Variants in NMT2 observed in about 807,000 individuals in gnomAD.
NMT2 encodes N-myristoyltransferase 2.
In NMT2, 35 loss-of-function variants were observed where a neutral mutation model predicts 65.4. That is an observed-to-expected ratio of 0.54 (90% CI 0.41 to 0.71). NMT2 has a LOEUF of 0.71. NMT2 is among the 30% of genes least tolerant of loss of function. NMT2 has a pLI of 0.00. For synonymous variants in NMT2, 226 were observed against 231.8 expected (o/e 0.98, Z 0.23); for missense variants, 489 against 611.3 (o/e 0.80, Z 2.11).
chr10:15,127,560 A>AAAAAAAT (rs1846125200), intron 8 of NMT2, among the ~76,000 whole-genome samples: 1 of 95,164 alleles, frequency 1.1e-5, no homozygotes, highest in African/African-American at 9.8e-5. Context: ...AAAAAAAAAA[A>AAAAAAAT]AAAAAAAAAA....
At chr10:15,144,591 C>T (rs923890585) in intron 1 of NMT2, among the ~76,000 whole-genome samples, 32 of 152,074 alleles carry the variant, frequency 2.1e-4, no homozygotes, top group South Asian at 4.1e-4. Context: ...ATTTGCTGGG[C>T]GTGGTGGCGG....
At position 15,155,068 on chromosome 10, in the gene NMT2, CAT is replaced by C. The variant is rs747786499; in HGVS notation, c.110+13433_110+13434del. ...CCTGTATGCTTCAGAATGAAGTTCT[CAT>C]CATCAAATTTCTCCCTGTAGACAGA... On this transcript the variant is annotated intron_variant, in intron 1 of 11. Transcript: ENST00000378165. The C allele has an allele frequency of 3.0e-6, 4 of 1,330,790 alleles. No homozygotes were observed. In the South Asian group the frequency reaches 4.7e-5, roughly 16 times the overall value. The allele number at this position is 1,330,790 out of a possible 1,614,324, so 82.4% of individuals were successfully genotyped here. A position where few individuals can be genotyped will look rare whatever the true frequency, so the allele number is the denominator to read the frequency against.
chr10:15,124,703 T>C (rs1169564383), intron 8 of NMT2, among the ~76,000 whole-genome samples: 1 of 152,056 alleles, frequency 6.6e-6, no homozygotes, highest in African/African-American at 2.4e-5. Context: ...TCTGGGCCCA[T>C]AGGAGAGGAA....
chr10:15,145,536 C>G (rs556184898), intron 1 of NMT2, among the ~76,000 whole-genome samples: 1 of 152,126 alleles, frequency 6.6e-6, no homozygotes, highest in Admixed American at 6.5e-5. Context: ...CGTGCCACCA[C>G]GTCCAGCTAA....
At chr10:15,122,141 A>C (rs1007270438) in intron 8 of NMT2, among the ~76,000 whole-genome samples, 2 of 152,202 alleles carry the variant, frequency 1.3e-5, no homozygotes, top group African/African-American at 4.8e-5. Flanking sequence ...AGCCTTTCTC[A>C]ATATCAGAAT....
chr10:15,166,646 A>G (rs1588469419), intron 1 of NMT2, among the ~76,000 whole-genome samples: 1 of 152,324 alleles, frequency 6.6e-6, no homozygotes, highest in East Asian at 1.9e-4. Context: ...TTTTCCCACT[A>G]GAAGCTATTA....
At chr10:15,133,874 C>T (rs779890773) in intron 3 of NMT2, among the ~76,000 whole-genome samples, 1 of 152,170 alleles carries the variant, frequency 6.6e-6, no homozygotes, top group African/African-American at 2.4e-5. Context: ...AGGTGTGAGC[C>T]ACCACAGCTG....
chr10:15,149,586 C>A (rs1257116372), intron 1 of NMT2, among the ~76,000 whole-genome samples: 3 of 101,600 alleles, frequency 3.0e-5, no homozygotes, highest in East Asian at 2.5e-4. Context: ...ATCATCACCA[C>A]CATCATCACC....
At chr10:15,154,881 ATCTTG>A (rs1832937468) in intron 1 of NMT2, 1 of 833,084 alleles carries the variant, frequency 1.2e-6, no homozygotes, top group Non-Finnish European at 2.1e-6. Context: ...GGCCTCCACA[ATCTTG>A]ATGCCTTCTT....
intron 1 of NMT2, among the ~76,000 whole-genome samples, chr10:15,153,657 TA>T (rs201650979): frequency 1.3e-4 from 20 of 151,140 alleles, no homozygotes; most frequent in Admixed American, 2.6e-4. Flanking sequence ...TATTTTATTT[TA>T]TTTTTTTTTT....
chr10:15,149,714 G>C (rs578191481), intron 1 of NMT2, among the ~76,000 whole-genome samples: 79 of 152,132 alleles, frequency 5.2e-4, no homozygotes, highest in Non-Finnish European at 9.8e-4. Context: ...TCGGAGGTAA[G>C]TGCTATTATT....
intron 1 of NMT2, among the ~76,000 whole-genome samples, chr10:15,157,856 A>G (rs1338979180): frequency 1.1e-4 from 16 of 152,244 alleles, no homozygotes; most frequent in Admixed American, 7.9e-4. Context: ...ACATTATCAA[A>G]TTACTCTTAT....
intron 7 of NMT2, among the ~76,000 whole-genome samples, chr10:15,128,740 C>G (rs1482612646): frequency 6.6e-6 from 1 of 152,204 alleles, no homozygotes; most frequent in Non-Finnish European, 1.5e-5. Context: ...CACGGTGGCT[C>G]ATGCCTGTAA....
intron 6 of NMT2, among the ~76,000 whole-genome samples, chr10:15,132,563 G>C (rs899330307): frequency 1.3e-5 from 2 of 152,074 alleles, no homozygotes; most frequent in African/African-American, 4.8e-5. Flanking sequence ...GAGTAGGTGG[G>C]ATTACAGGTG....
intron 1 of NMT2, among the ~76,000 whole-genome samples, chr10:15,147,635 GA>G (rs113883663): frequency 2.1e-5 from 3 of 145,330 alleles, no homozygotes; most frequent in African/African-American, 2.5e-5. Context: ...CCCACAACAT[GA>G]AAAAAAAAAC....
intron 8 of NMT2, among the ~76,000 whole-genome samples, chr10:15,124,138 T>G (rs747694521): frequency 4.6e-5 from 7 of 152,228 alleles, no homozygotes; most frequent in Non-Finnish European, 7.3e-5. Context: ...CTCTGACTTC[T>G]GCTTTTTATC....
intron 8 of NMT2, among the ~76,000 whole-genome samples, chr10:15,125,604 G>GA (rs1165388016): frequency 2.6e-5 from 4 of 151,970 alleles, no homozygotes; most frequent in African/African-American, 4.8e-5. Flanking sequence ...TGCCCATAGT[G>GA]AAAAAAAGAG....
At chr10:15,135,130 G>T (rs111314654) in intron 3 of NMT2, 144 bp downstream of exon 3, 4 of 849,974 alleles carry the variant, frequency 4.7e-6, no homozygotes, top group African/African-American at 1.7e-5. Context: ...TATTAGTCTT[G>T]CATAGATTTC....
At chr10:15,164,703 A>G (rs1347068816) in intron 1 of NMT2, among the ~76,000 whole-genome samples, 2 of 152,216 alleles carry the variant, frequency 1.3e-5, no homozygotes, top group Non-Finnish European at 2.9e-5. Context: ...AAGATCCTTG[A>G]GCATCTTAAC....
Sources: gnomAD v4.1 joint callset for allele counts (sites outside exome capture counted in the v4.1 genomes callset) on GRCh38, gnomAD v4.1.1 for gene constraint, MANE v1.5 for transcripts, NCBI Gene and HGNC (gene_info 2026-07-23, HGNC 2026-07-21) for gene names.